The following MTSS1 variants were observed in gnomAD, a reference collection of about 807,000 sequenced individuals.
MTSS1 encodes MTSS I-BAR domain containing 1, also known as protein MTSS 1.
A neutral mutation model predicts 79.0 loss-of-function variants in MTSS1; 18 were observed. The observed-to-expected ratio is 0.23, with a 90% CI of 0.16 to 0.34. The LOEUF is 0.34. MTSS1 is among the 10% of genes least tolerant of loss of function. The pLI, the probability that MTSS1 is intolerant of heterozygous loss-of-function variation, is 1.00. For synonymous variants in MTSS1, 341 were observed against 368.6 expected (o/e 0.93, Z 0.86); for missense variants, 815 against 986.2 (o/e 0.83, Z 2.33).
chr8:124,606,225 T>A (rs1177521377), intron 3 of MTSS1, among the ~76,000 whole-genome samples: 3 of 142,114 alleles, frequency 2.1e-5, no homozygotes, highest in Admixed American at 7.6e-5. Context: ...CAGGCTGGAG[T>A]ACAATGGCAT....
intron 3 of MTSS1, among the ~76,000 whole-genome samples, chr8:124,622,094 G>GAGAGAGAGAGAGAGAGAGAA (rs1554678118): frequency 5.3e-5 from 8 of 150,060 alleles, no homozygotes; most frequent in African/African-American, 2.0e-4. Context: ...GAGAGAGAGA[G>GAGAGAGAGAGAGAGAGAGAA]AGAATATGAA....
intron 3 of MTSS1, among the ~76,000 whole-genome samples, chr8:124,634,065 G>A (rs1816527844): frequency 6.6e-6 from 1 of 151,654 alleles, no homozygotes; most frequent in Non-Finnish European, 1.5e-5. Flanking sequence ...GAGACCAGTA[G>A]GAAGGATAAA....
At chr8:124,623,607 C>A (rs1415979016) in intron 3 of MTSS1, among the ~76,000 whole-genome samples, 1 of 152,112 alleles carries the variant, frequency 6.6e-6, no homozygotes, top group Non-Finnish European at 1.5e-5. Flanking sequence ...ACCTGAAACA[C>A]TGAAGGATCT....
In MTSS1 at chr8:124,699,692, A is replaced by C. The variant is rs1291703489; in HGVS notation, c.135-93T>G. ...GCCTAAAACCTCTGCTAAGGAGTAC[A>C]TGTAACCTTCCTCCAGAAATAACTC... is the stretch of plus-strand genomic sequence containing the variant. On this transcript the variant is annotated intron_variant, in intron 2 of 13. Transcript: ENST00000518547. 18 of 1,124,762 alleles carry C rather than the reference A, an allele frequency of 1.6e-5. No homozygotes were observed. The Admixed American group carries it at 1.8e-4, about 11-fold the overall frequency. 69.7% of individuals were successfully genotyped at this position (1,124,762 alleles called of 1,614,324 possible). A position where few individuals can be genotyped will look rare whatever the true frequency, so the allele number is the denominator to read the frequency against.
intron 3 of MTSS1, among the ~76,000 whole-genome samples, chr8:124,664,994 C>T (rs1822790624): frequency 6.6e-6 from 1 of 152,002 alleles, no homozygotes; most frequent in South Asian, 2.1e-4. Context: ...CTTAGTGCTA[C>T]ATAAACTAAA....
At chr8:124,717,439 C>T (rs7815443) in intron 1 of MTSS1, among the ~76,000 whole-genome samples, 89,302 of 124,240 alleles carry the variant, frequency 0.72, 31,188 homozygotes, top group East Asian at 0.87. Flanking sequence ...GAGGTGGCAG[C>T]GAGCCAAGAT....
chr8:124,601,855 G>A (rs1021573158), intron 3 of MTSS1, among the ~76,000 whole-genome samples: 4 of 152,214 alleles, frequency 2.6e-5, no homozygotes, highest in East Asian at 1.9e-4. Context: ...TTCTGCAATC[G>A]CACTGGCATG....
chr8:124,601,157 T>C (rs1045584235), intron 3 of MTSS1, among the ~76,000 whole-genome samples: 1 of 146,746 alleles, frequency 6.8e-6, no homozygotes, highest in African/African-American at 2.6e-5. Flanking sequence ...ACCTCCCGGG[T>C]TCAAGCAATT....
At chr8:124,660,043 A>G (rs1403948599) in intron 3 of MTSS1, among the ~76,000 whole-genome samples, 1 of 152,126 alleles carries the variant, frequency 6.6e-6, no homozygotes, top group African/African-American at 2.4e-5. Flanking sequence ...CACATACTGA[A>G]AAGTACCACC....
At chr8:124,659,384 C>T (rs1821581549) in intron 3 of MTSS1, among the ~76,000 whole-genome samples, 1 of 152,068 alleles carries the variant, frequency 6.6e-6, no homozygotes, top group Non-Finnish European at 1.5e-5. Flanking sequence ...ACTTGCATCT[C>T]GGGAATCATG....
chr8:124,568,294 T>C, intron 7 of MTSS1, 85 bp downstream of exon 7: 1 of 1,462,768 alleles, frequency 6.8e-7, no homozygotes. Context: ...AGATTCTCCA[T>C]GACTCAACAG....
chr8:124,563,217 G>C, intron 9 of MTSS1: 1 of 557,212 alleles, frequency 1.8e-6, no homozygotes. Flanking sequence ...GGTGACCCAG[G>C]GGGAAATACA....
At chr8:124,568,284 AGATTCTC>A in intron 7 of MTSS1, 88 bp downstream of exon 7, 1 of 1,398,266 alleles carries the variant, frequency 7.2e-7, no homozygotes, top group Non-Finnish European at 9.8e-7. Flanking sequence ...TCCTGACAGT[AGATTCTC>A]CATGACTCAA....
chr8:124,682,289 G>C lies in MTSS1; in HGVS notation c.208+17237C>G, dbSNP rs1397786473. Among the ~76,000 whole-genome samples the C allele has an allele frequency of 2.0e-5, 3 of 152,188 alleles. No individual in the cohort carries two copies. In the South Asian group the frequency reaches 6.2e-4, roughly 32 times the overall value. On this transcript the variant is annotated intron_variant, in intron 3 of 13. Transcript: ENST00000518547. The stretch of plus-strand genomic sequence containing the variant: ...TCAACTTGTGCCCACCCCCATCTTC[G>C]GCAGCCTCCCCCAGGCTGTGCTCGG...
intron 3 of MTSS1, among the ~76,000 whole-genome samples, chr8:124,670,375 G>A (rs775186090): frequency 1.8e-5 from 2 of 110,550 alleles, no homozygotes; most frequent in African/African-American, 9.2e-5. Context: ...TCAGGCGGGC[G>A]GCACCCCACA....
intron 5 of MTSS1, 73 bp downstream of exon 5, chr8:124,589,547 C>A (rs1831460219): frequency 1.6e-6 from 2 of 1,217,960 alleles, no homozygotes; most frequent in Non-Finnish European, 2.4e-6. Flanking sequence ...AGCAGAGGGG[C>A]CAGGCAGCAG....
rs1020954361 is a variant in MTSS1, at chr8:124,566,014, A to G, written c.727-255T>C. ...GAAGGGAAAAGGAAAATCATGAAAT[A>G]TCAGTCGAGAGAGGGAGAAATACAG... On this transcript the variant is annotated intron_variant, in intron 8 of 13. Coordinates refer to ENST00000518547, the MANE Select transcript of MTSS1 (RefSeq NM_014751.6). The G allele has an allele frequency of 2.5e-5, 8 of 316,758 alleles. No individual in the cohort carries two copies. The South Asian group carries it at 3.2e-4, about 13-fold the overall frequency. The allele number at this position is 316,758 out of a possible 1,614,324, so 19.6% of individuals were successfully genotyped here.
chr8:124,602,207 A>ATACACACACACATATATATATATATAT, intron 3 of MTSS1, among the ~76,000 whole-genome samples: 7 of 142,242 alleles, frequency 4.9e-5, no homozygotes, highest in South Asian at 2.2e-4. Flanking sequence ...ATATATATAT[A>ATACACACACACATATATATATATATAT]ATTTTTTTTT....
intron 3 of MTSS1, among the ~76,000 whole-genome samples, chr8:124,678,978 C>A (rs1421990066): frequency 6.6e-6 from 1 of 152,216 alleles, no homozygotes; most frequent in East Asian, 1.9e-4. Context: ...ACCTGTAAGT[C>A]TGGGAGTAGC....
Sources: gnomAD v4.1 joint callset for allele counts (sites outside exome capture counted in the v4.1 genomes callset) on GRCh38, gnomAD v4.1.1 for gene constraint, MANE v1.5 for transcripts, NCBI Gene and HGNC (gene_info 2026-07-23, HGNC 2026-07-21) for gene names.